Variants in PPARGC1A observed in about 807,000 individuals in gnomAD.
PPARGC1A encodes the protein PPARG coactivator 1 alpha.
A neutral mutation model predicts 88.7 loss-of-function variants in PPARGC1A; 25 were observed. The observed-to-expected ratio is 0.28, with a 90% CI of 0.21 to 0.39. The LOEUF (loss-of-function observed/expected upper bound fraction) is 0.39. PPARGC1A is among the 10% of genes least tolerant of loss of function. PPARGC1A has a pLI of 1.00. For missense variants in PPARGC1A, 880 were observed against 968.7 expected, an observed-to-expected ratio of 0.91 and a Z score of 1.22; for synonymous variants, 363 against 355.6, an observed-to-expected ratio of 1.02 and a Z score of -0.24.
chr4:23,958,673 A>G, the PPARGC1A span, among the ~76,000 whole-genome samples: 3 of 152,116 alleles, frequency 2.0e-5, no homozygotes, highest in Non-Finnish European at 4.4e-5. Flanking sequence ...TTTTTAAAAC[A>G]CTCAAATATC....
the PPARGC1A span, among the ~76,000 whole-genome samples, chr4:23,958,093 TTTTTTGGAGGAATGAAAC>T: frequency 6.6e-6 from 1 of 152,122 alleles, no homozygotes; most frequent in Non-Finnish European, 1.5e-5. Context: ...AGAAACAGTA[TTTTTTGGAGGAATGAAAC>T]TTTTACTTGC....
chr4:24,133,192 G>C, the PPARGC1A span, among the ~76,000 whole-genome samples: 1 of 152,044 alleles, frequency 6.6e-6, no homozygotes, highest in Non-Finnish European at 1.5e-5. Context: ...CCCCCTGGGG[G>C]GTGGTGGTGG....
At chr4:24,275,669 A>G in the PPARGC1A span, among the ~76,000 whole-genome samples, 1 of 152,230 alleles carries the variant, frequency 6.6e-6, no homozygotes, top group Non-Finnish European at 1.5e-5. Context: ...TTACAACTTT[A>G]AAATGTGATT....
At chr4:24,215,694 A>G in the PPARGC1A span, among the ~76,000 whole-genome samples, 1 of 152,216 alleles carries the variant, frequency 6.6e-6, no homozygotes, top group African/African-American at 2.4e-5. Context: ...ATACCATATG[A>G]ACATCCATGG....
At chr4:24,089,725 G>T in the PPARGC1A span, among the ~76,000 whole-genome samples, 4 of 151,952 alleles carry the variant, frequency 2.6e-5, no homozygotes, top group African/African-American at 7.2e-5. Flanking sequence ...TGTTAGCCAG[G>T]ATGGTCTCGA....
chr4:23,829,656 T>A, intron 3 of PPARGC1A, 71 bp from the exon 4 acceptor site: 1 of 1,409,274 alleles, frequency 7.1e-7, no homozygotes, highest in Non-Finnish European at 9.6e-7. Context: ...AATAAGTTAT[T>A]GAAATTTTAA....
the PPARGC1A span, among the ~76,000 whole-genome samples, chr4:23,930,968 G>T: frequency 6.6e-6 from 1 of 152,198 alleles, no homozygotes; most frequent in Non-Finnish European, 1.5e-5. Context: ...AGAACACAAG[G>T]CTCCCAGAGG....
the PPARGC1A span, among the ~76,000 whole-genome samples, chr4:24,459,804 A>G: frequency 1.3e-5 from 2 of 152,174 alleles, no homozygotes; most frequent in African/African-American, 4.8e-5. Context: ...ATAAACAAAC[A>G]ACAACAAAAA....
the PPARGC1A span, among the ~76,000 whole-genome samples, chr4:23,915,183 G>T: frequency 6.6e-6 from 1 of 151,892 alleles, no homozygotes; most frequent in Admixed American, 6.6e-5. Flanking sequence ...TTTTAAATGG[G>T]ATTTTTGGTT....
the PPARGC1A span, among the ~76,000 whole-genome samples, chr4:24,382,414 T>G: frequency 6.6e-6 from 1 of 152,124 alleles, no homozygotes. Context: ...AATGTTCTTA[T>G]AAGAACTTTC....
the PPARGC1A span, among the ~76,000 whole-genome samples, chr4:24,124,332 T>C: frequency 1.3e-5 from 2 of 152,284 alleles, no homozygotes; most frequent in East Asian, 3.9e-4. Context: ...CCAAAAGCAA[T>C]TTTGTCCTGT....
chr4:24,472,775 C>CGCGTGT, the PPARGC1A span, among the ~76,000 whole-genome samples: 1 of 151,754 alleles, frequency 6.6e-6, no homozygotes, highest in African/African-American at 2.4e-5. This position sits in a 1 kb window ranked among gnomAD's most constrained non-coding sequence, Gnocchi z 4.5. Flanking sequence ...CGTGTGTGCG[C>CGCGTGT]GCGTGTGTGT....
the PPARGC1A span, among the ~76,000 whole-genome samples, chr4:23,993,810 A>G: frequency 6.6e-6 from 1 of 152,168 alleles, no homozygotes. Context: ...TAGAAGGAAG[A>G]AAGCTTTCTT....
the PPARGC1A span, among the ~76,000 whole-genome samples, chr4:24,363,844 G>A: frequency 1.8e-4 from 27 of 152,180 alleles, no homozygotes; most frequent in East Asian, 4.8e-3. Flanking sequence ...AATTAATGTC[G>A]AGGCATATTC....
At chr4:24,230,898 G>T in the PPARGC1A span, among the ~76,000 whole-genome samples, 1 of 150,526 alleles carries the variant, frequency 6.6e-6, no homozygotes, top group Non-Finnish European at 1.5e-5. Context: ...TGACTAAGGG[G>T]GCTGTACCTC....
At chr4:24,431,147 A>G in the PPARGC1A span, among the ~76,000 whole-genome samples, 67 of 150,628 alleles carry the variant, frequency 4.4e-4, no homozygotes, top group African/African-American at 1.6e-3. Context: ...AAAAAAGAGA[A>G]AAAAAAAAGA....
At chr4:24,281,660 A>G in the PPARGC1A span, among the ~76,000 whole-genome samples, 1 of 152,184 alleles carries the variant, frequency 6.6e-6, no homozygotes, top group Non-Finnish European at 1.5e-5. Context: ...AATATTTACT[A>G]TACAGCAGGC....
At chr4:23,845,417 A>G (rs1056107251) in intron 2 of PPARGC1A, among the ~76,000 whole-genome samples, 2 of 152,174 alleles carry the variant, frequency 1.3e-5, no homozygotes, top group African/African-American at 4.8e-5. Context: ...ACTTGGATCT[A>G]TATGGTATAT....
At chr4:24,385,264 GC>G in the PPARGC1A span, among the ~76,000 whole-genome samples, 3 of 152,154 alleles carry the variant, frequency 2.0e-5, no homozygotes, top group African/African-American at 7.2e-5. Flanking sequence ...GAAATTTATA[GC>G]ACTAAATGCC....
Sources: allele counts gnomAD v4.1 joint callset (sites outside exome capture counted in the v4.1 genomes callset), GRCh38; gene constraint gnomAD v4.1.1; non-coding constraint Gnocchi (gnomAD v3.1); transcripts MANE v1.5; gene names NCBI Gene and HGNC (gene_info 2026-07-23, HGNC 2026-07-21).